The following BCR variants were observed in gnomAD, a reference collection of about 807,000 sequenced individuals.
BCR encodes BCR activator of RhoGEF and GTPase, also known as breakpoint cluster region protein.
A neutral mutation model predicts 138.6 loss-of-function variants in BCR; 58 were observed. That is an observed-to-expected ratio of 0.42 (90% CI 0.34 to 0.52). The LOEUF (loss-of-function observed/expected upper bound fraction) is 0.52, where lower values mean the gene tolerates loss of function less well. BCR is among the 20% of genes least tolerant of loss of function. BCR has a pLI of 0.06. For missense variants in BCR, 1,599 were observed against 1,727.2 expected (o/e 0.93, Z 1.32); for synonymous variants, 786 against 730.1 (o/e 1.08, Z -1.23).
chr22:23,223,860 T>A (rs913797177), intron 1 of BCR, among the ~76,000 whole-genome samples: 2 of 152,182 alleles, frequency 1.3e-5, no homozygotes, highest in African/African-American at 4.8e-5. Flanking sequence ...GCTGACCTTT[T>A]CCTTCCTTTC....
chr22:23,237,838 CT>C (rs1376525838), intron 1 of BCR, among the ~76,000 whole-genome samples: 1 of 152,230 alleles, frequency 6.6e-6, no homozygotes, highest in Non-Finnish European at 1.5e-5. Flanking sequence ...GCCAGATTTC[CT>C]GAAGTGGAGC....
chr22:23,184,859 C>T (rs1464369223), intron 1 of BCR, among the ~76,000 whole-genome samples: 1 of 150,272 alleles, frequency 6.7e-6, no homozygotes, highest in Non-Finnish European at 1.5e-5. Flanking sequence ...TACTGATGTT[C>T]TTTAGAGGGC....
chr22:23,261,646 G>C (rs2073358067), intron 4 of BCR, 106 bp downstream of exon 4: 1 of 1,251,952 alleles, frequency 8.0e-7, no homozygotes, highest in African/African-American at 1.5e-5. Flanking sequence ...TGGCCAGGCT[G>C]GTCTCAAACT....
Position 23,191,527 on chromosome 22 carries a change from G to A in BCR, c.1279+9288G>A, listed in dbSNP as rs79775439. ...CGTATCTTTCTTTAACGGTATATTT[G>A]CAGCTGTTTCCTGTTAATCCTTTGT... On this transcript the variant is annotated intron_variant, in intron 1 of 22. Transcript: ENST00000305877. Among the ~76,000 whole-genome samples, 116 of 152,252 alleles carry A rather than the reference G, an allele frequency of 7.6e-4. 1 individual carries two copies. In the East Asian group the frequency reaches 0.019, roughly 26 times the overall value.
intron 1 of BCR, among the ~76,000 whole-genome samples, chr22:23,221,199 A>G (rs1319408681): frequency 6.6e-6 from 1 of 152,216 alleles, no homozygotes; most frequent in African/African-American, 2.4e-5. Context: ...GAGGATGGCG[A>G]TGCAGATGGA....
At chr22:23,269,630 G>C (rs747582814) in intron 5 of BCR, among the ~76,000 whole-genome samples, 28 of 152,206 alleles carry the variant, frequency 1.8e-4, no homozygotes, top group Admixed American at 6.5e-5. Context: ...TGCTCCGCCA[G>C]GTGCTGCTGG....
intron 1 of BCR, among the ~76,000 whole-genome samples, chr22:23,225,560 A>G (rs1363797163): frequency 6.6e-6 from 1 of 152,174 alleles, no homozygotes; most frequent in Non-Finnish European, 1.5e-5. Flanking sequence ...TATGGGGGAA[A>G]TCCCTGTAGG....
chr22:23,303,650 A>G (rs1379398354), intron 16 of BCR, among the ~76,000 whole-genome samples: 1 of 152,268 alleles, frequency 6.6e-6, no homozygotes, highest in African/African-American at 2.4e-5. Flanking sequence ...TGGGGAAGAT[A>G]TGAAGATGTA....
intron 2 of BCR, among the ~76,000 whole-genome samples, chr22:23,257,403 C>T (rs558859234): frequency 5.6e-4 from 85 of 152,340 alleles, no homozygotes; most frequent in African/African-American, 1.8e-3. Context: ...CCACCCACGC[C>T]GGCACAAGCA....
intron 1 of BCR, among the ~76,000 whole-genome samples, chr22:23,214,812 G>A (rs1049652288): frequency 6.6e-6 from 1 of 152,126 alleles, no homozygotes; most frequent in Non-Finnish European, 1.5e-5. Context: ...TTTAAATTAT[G>A]ATGAACTATA....
intron 1 of BCR, among the ~76,000 whole-genome samples, chr22:23,200,691 TGG>T: frequency 6.6e-6 from 1 of 152,268 alleles, no homozygotes; most frequent in East Asian, 1.9e-4. Context: ...TCTGAGTAGC[TGG>T]GACGGCAGGC....
intron 2 of BCR, among the ~76,000 whole-genome samples, chr22:23,255,187 C>T (rs1222325881): frequency 2.0e-5 from 3 of 152,136 alleles, no homozygotes; most frequent in Non-Finnish European, 4.4e-5. Context: ...TACGTATATA[C>T]TTTTGTGATT....
intron 1 of BCR, among the ~76,000 whole-genome samples, chr22:23,211,651 GTTTT>G (rs933644000): frequency 1.0e-4 from 15 of 147,860 alleles, no homozygotes; most frequent in East Asian, 7.8e-4. Flanking sequence ...CGCCTGGCTA[GTTTT>G]TTTTGTTTTG....
chr22:23,263,929 C>G (rs894979405), intron 4 of BCR: 14 of 929,656 alleles, frequency 1.5e-5, no homozygotes, highest in Non-Finnish European at 2.0e-5. Context: ...GGGCACTTCT[C>G]ACCCCTGAAA....
Position 23,190,655 on chromosome 22 carries a change from C to T in BCR, c.1279+8416C>T, listed in dbSNP as rs141642897. On this transcript the variant is annotated intron_variant, in intron 1 of 22. Transcript: ENST00000305877. ...TTTAGTTCGTAACACTTGGTGAGTC[C>T]GTTACTGGGCAGCAGAGGAAAGGGC... is the stretch of plus-strand genomic sequence containing the variant. Among the ~76,000 whole-genome samples the T allele has an allele frequency of 5.3e-5, 8 of 152,138 alleles. No individual in the cohort carries two copies. In the South Asian group the frequency reaches 1.2e-3, roughly 24 times the overall value.
Position 23,285,027 on chromosome 22 carries a change from C to A in BCR, c.2238-6C>A. 6.2e-7 allele frequency: 1 copy of A among 1,611,150 alleles called. No individual in the cohort carries two copies. The stretch of plus-strand genomic sequence containing the variant: ...CATGTGAACGTTCTTCTCTCCCCAT[C>A]CCCAGCAAAACGCAGCAGTATGACT... On this transcript the variant is annotated splice_polypyrimidine_tract_variant and splice_region_variant and intron_variant, in intron 9 of 22. Coordinates refer to ENST00000305877, the MANE Select transcript of BCR (RefSeq NM_004327.4).
At chr22:23,254,046 C>G in intron 2 of BCR, 66 bp downstream of exon 2, 1 of 1,504,374 alleles carries the variant, frequency 6.6e-7, no homozygotes, top group Non-Finnish European at 8.9e-7. Context: ...CAGCCCCATG[C>G]TCAGGGGTAT....
chr22:23,298,064 T>C (rs1314475859), intron 16 of BCR, among the ~76,000 whole-genome samples: 2 of 152,116 alleles, frequency 1.3e-5, no homozygotes, highest in Non-Finnish European at 2.9e-5. Flanking sequence ...TAGTAACTAT[T>C]GTGATAGGGA....
At position 23,253,880 on chromosome 22, in the gene BCR, C is replaced by G. The variant is rs1043266272; in HGVS notation, c.1361C>G (p.Pro454Arg). Residue 454 changes from proline (P) to arginine (R), a missense_variant, in exon 2 of 23, where the codon CCC (proline) becomes CGC (arginine). Physicochemically the swap from Pro to Arg is moderately radical, Grantham distance 103. This residue lies in a region of BCR where 590 missense variants were observed against 762.4 expected (regional missense o/e 0.77). Transcript: ENST00000305877. ...EEQRRHQDGL[P>R]YIDDSPSSSP... ...CAGCGCCGGCACCAAGATGGGCTGC[C>G]CTACATTGATGACTCGCCCTCCTCA... 1.1e-5 allele frequency: 17 copies of G among 1,613,042 alleles called. No individual in the cohort carries two copies. In the African/African-American group the frequency reaches 2.0e-4, roughly 19 times the overall value.
Sources: allele counts gnomAD v4.1 joint callset (sites outside exome capture counted in the v4.1 genomes callset), GRCh38; gene constraint gnomAD v4.1.1; regional missense constraint gnomAD v4.1.1; transcripts MANE v1.5; gene names NCBI Gene and HGNC (gene_info 2026-07-23, HGNC 2026-07-21).